Variants in TMCO4 observed in about 807,000 individuals in gnomAD.
The protein encoded by TMCO4 is transmembrane and coiled-coil domain-containing protein 4.
A neutral mutation model predicts 64.7 loss-of-function variants in TMCO4; 58 were observed. The observed-to-expected ratio is 0.90, with a 90% CI of 0.73 to 1.12. The LOEUF (loss-of-function observed/expected upper bound fraction) is 1.12. TMCO4 is among the 50% of genes most tolerant of loss of function. The probability of loss-of-function intolerance (pLI) is 0.00; values close to 1 mark genes in which losing one functional copy is unlikely to be tolerated. For missense variants in TMCO4, 780 were observed against 825.9 expected, an observed-to-expected ratio of 0.94 and a Z score of 0.68; for synonymous variants, 325 against 346.1, an observed-to-expected ratio of 0.94 and a Z score of 0.68.
chr1:19,685,039 A>C (rs757095549), intron 15 of TMCO4, among the ~76,000 whole-genome samples: 2 of 152,206 alleles, frequency 1.3e-5, no homozygotes, highest in African/African-American at 4.8e-5. Context: ...ATTTAAGACA[A>C]TTAGGCCAGG....
chr1:19,687,317 G>A (rs942913870), intron 15 of TMCO4, among the ~76,000 whole-genome samples: 8 of 152,126 alleles, frequency 5.3e-5, no homozygotes, highest in Non-Finnish European at 1.0e-4. Flanking sequence ...AAACTCCTGG[G>A]CTCAAGAGAT....
Position 19,720,005 on chromosome 1 carries a change from A to ATTTTTT in TMCO4, c.1264+17361_1264+17366dup, listed in dbSNP as rs56755114. On this transcript the variant is annotated intron_variant, in intron 13 of 15. Coordinates refer to ENST00000294543, the MANE Select transcript of TMCO4 (RefSeq NM_181719.7). Reference sequence around the variant, plus strand: ...AGATTCCTTCTCAAAAAGGAAAATAATTTTTTTTTTTTTTTTTTTTGTAGA... The same window carrying ATTTTTT: ...AGATTCCTTCTCAAAAAGGAAAATAATTTTTTTTTTTTTTTTTTTTTTTTTTGTAGA... Among the ~76,000 whole-genome samples the ATTTTTT allele has an allele frequency of 1.3e-4, 15 of 116,950 alleles. 1 individual carries two copies. Among genetic ancestry groups the ATTTTTT allele is most frequent in the Non-Finnish European group, 1.8e-4 (11 of 59,598 alleles). 76.7% of individuals were successfully genotyped at this position (116,950 alleles called of 152,430 possible). A position where few individuals can be genotyped will look rare whatever the true frequency, so the allele number is the denominator to read the frequency against.
chr1:19,700,408 C>G (rs4912146), intron 14 of TMCO4, among the ~76,000 whole-genome samples: 125,455 of 152,078 alleles, frequency 0.82, 54,308 homozygotes, highest in East Asian at 1. Flanking sequence ...CTTGTTCAAA[C>G]ACCTCCCTGT....
intron 13 of TMCO4, among the ~76,000 whole-genome samples, chr1:19,701,576 C>T (rs1021464347): frequency 2.6e-5 from 4 of 152,152 alleles, no homozygotes; most frequent in East Asian, 3.8e-4. Context: ...CTCTCTCCAC[C>T]ACCCACAAAG....
At position 19,683,073 on chromosome 1, in the gene TMCO4, G is replaced by A; in HGVS notation, c.1872C>T (p.Cys624=). 6.2e-7 allele frequency: 1 copy of A among 1,602,094 alleles called. No homozygotes were observed. Among genetic ancestry groups the A allele is most frequent in the Non-Finnish European group, 8.5e-7 (1 of 1,174,572 alleles). The change falls in exon 16 of 16, where the codon TGC becomes TGT. Residue 624 remains cysteine, a synonymous_variant. Coordinates refer to ENST00000294543, the MANE Select transcript of TMCO4 (RefSeq NM_181719.7). ...PNPLGCPDCA[C]KTQGPSTGLD is the part of the protein sequence containing the mutation. The stretch of plus-strand genomic sequence containing the variant: ...GCCCCGTGCTGGGGCCCTGGGTCTT[G>A]CAGGCACAATCGGGGCAGCCCAGTG...
chr1:19,685,424 C>G (rs1426919247), intron 15 of TMCO4, among the ~76,000 whole-genome samples: 1 of 152,190 alleles, frequency 6.6e-6, no homozygotes, highest in Admixed American at 6.5e-5. Context: ...GTGGCCACCC[C>G]CTTCGTCAGA....
intron 13 of TMCO4, among the ~76,000 whole-genome samples, chr1:19,720,894 G>A (rs1191641031): frequency 6.6e-6 from 1 of 151,858 alleles, no homozygotes; most frequent in Non-Finnish European, 1.5e-5. Context: ...TAAAAGACAA[G>A]TTTTGACAAC....
intron 7 of TMCO4, among the ~76,000 whole-genome samples, chr1:19,755,052 G>T (rs139959261): frequency 6.6e-6 from 1 of 152,300 alleles, no homozygotes; most frequent in Non-Finnish European, 1.5e-5. Context: ...GCCTGAGGTG[G>T]AACAGGGTGT....
intron 14 of TMCO4, among the ~76,000 whole-genome samples, chr1:19,700,523 C>G (rs773674322): frequency 3.5e-5 from 5 of 143,586 alleles, no homozygotes; most frequent in Non-Finnish European, 6.3e-5. Context: ...CTGCTGCTCT[C>G]AGGCCTGACA....
intron 14 of TMCO4, among the ~76,000 whole-genome samples, chr1:19,696,214 C>T (rs779445386): frequency 4.6e-5 from 7 of 152,096 alleles, no homozygotes; most frequent in African/African-American, 7.2e-5. Flanking sequence ...TTTCAGGTAC[C>T]GATGATTATC....
chr1:19,755,519 G>A, intron 7 of TMCO4, 115 bp downstream of exon 7: 3 of 1,452,364 alleles, frequency 2.1e-6, no homozygotes, highest in Non-Finnish European at 2.8e-6. Context: ...CTCTGTCCAG[G>A]GCTCCTTCCA....
intron 15 of TMCO4, among the ~76,000 whole-genome samples, chr1:19,687,646 C>T (rs2095159983): frequency 6.6e-6 from 1 of 152,178 alleles, no homozygotes; most frequent in South Asian, 2.1e-4. Context: ...GCAGAAACTT[C>T]AGACCCACAG....
chr1:19,744,391 T>C (rs749668801), intron 10 of TMCO4, among the ~76,000 whole-genome samples: 3 of 152,206 alleles, frequency 2.0e-5, no homozygotes, highest in Non-Finnish European at 2.9e-5. Flanking sequence ...CCTCACTTAA[T>C]CTTTGCAGCA....
chr1:19,752,774 T>C (rs1369277418), intron 7 of TMCO4, among the ~76,000 whole-genome samples: 2 of 151,982 alleles, frequency 1.3e-5, no homozygotes, highest in Admixed American at 6.6e-5. Context: ...TGGCCAGCCA[T>C]GCGACCTTGG....
intron 6 of TMCO4, among the ~76,000 whole-genome samples, chr1:19,759,976 C>T (rs1404340198): frequency 1.3e-5 from 2 of 152,082 alleles, no homozygotes; most frequent in Non-Finnish European, 2.9e-5. Context: ...GGCCACCTGC[C>T]CCAAGCAGCA....
At chr1:19,775,452 C>A (rs1379038927) in intron 4 of TMCO4, among the ~76,000 whole-genome samples, 1 of 152,182 alleles carries the variant, frequency 6.6e-6, no homozygotes, top group Non-Finnish European at 1.5e-5. Flanking sequence ...ATCCAGGCTT[C>A]CTGATTCCTA....
intron 6 of TMCO4, among the ~76,000 whole-genome samples, chr1:19,768,240 G>A (rs923659844): frequency 1.3e-5 from 2 of 152,154 alleles, no homozygotes; most frequent in African/African-American, 4.8e-5. Context: ...TGCCTGCCGC[G>A]CAGCTAGGAC....
At chr1:19,756,400 A>G (rs1414666960) in intron 6 of TMCO4, among the ~76,000 whole-genome samples, 1 of 152,234 alleles carries the variant, frequency 6.6e-6, no homozygotes, top group Non-Finnish European at 1.5e-5. Flanking sequence ...CTGGAGGGCA[A>G]CTGGACAATA....
At position 19,755,755 on chromosome 1, in the gene TMCO4, C is replaced by A. The variant is rs749948558; in HGVS notation, c.394G>T (p.Ala132Ser). The change falls in exon 7 of 16, where the codon GCC (alanine) becomes TCC (serine). Residue 132 changes from alanine (A) to serine (S), a missense_variant. Physicochemically the swap from Ala to Ser is moderately conservative, Grantham distance 99. Transcript: ENST00000294543. ...SFSLKDGHYD[A>S]RARVLVCHMT... The stretch of plus-strand genomic sequence containing the variant: ...TGGCAAACGAGGACTCTGGCCCGGG[C>A]GTCATAGTGCCCTCGAAAGACAGAA... The A allele has an allele frequency of 1.9e-6, 3 of 1,613,882 alleles. No homozygotes were observed. Among genetic ancestry groups the A allele is most frequent in the Admixed American group, 1.7e-5 (1 of 59,982 alleles).
Sources: allele counts gnomAD v4.1 joint callset (sites outside exome capture counted in the v4.1 genomes callset), GRCh38; gene constraint gnomAD v4.1.1; transcripts MANE v1.5; gene names NCBI Gene and HGNC (gene_info 2026-07-23, HGNC 2026-07-21).